EMCN: variants seen among roughly 807,000 people sequenced by gnomAD.
EMCN encodes the protein endomucin, also known as MUC-14.
Under a neutral mutation model 38.4 loss-of-function variants are expected in EMCN, and 37 were observed. The ratio of observed to expected loss-of-function variants is 0.96; its 90% CI spans 0.74 to 1.27. The LOEUF (loss-of-function observed/expected upper bound fraction) is 1.27. Ranked by LOEUF, EMCN falls within the 50% of genes most tolerant of loss-of-function variation. EMCN has a pLI of 0.00. For synonymous variants in EMCN, 95 were observed against 100.8 expected (o/e 0.94, Z 0.35); for missense variants, 318 against 302.8 (o/e 1.05, Z -0.37).
intron 4 of EMCN, among the ~76,000 whole-genome samples, chr4:100,461,718 G>A (rs960208155): frequency 2.6e-5 from 4 of 152,110 alleles, no homozygotes; most frequent in Admixed American, 2.6e-4. Flanking sequence ...CAACTTTCTA[G>A]GGAATAAAGC....
At chr4:100,434,155 T>C (rs116333051) in intron 5 of EMCN, among the ~76,000 whole-genome samples, 430 of 151,906 alleles carry the variant, frequency 2.8e-3, no homozygotes, top group African/African-American at 0.01. Context: ...GAAAGAAGTA[T>C]CAAATAGACA....
intron 5 of EMCN, among the ~76,000 whole-genome samples, chr4:100,435,641 C>T (rs1727330657): frequency 6.6e-6 from 1 of 152,166 alleles, no homozygotes; most frequent in Non-Finnish European, 1.5e-5. Context: ...TACAAGGCTA[C>T]AGTAACCAAA....
At position 100,517,998 on chromosome 4, in the gene EMCN, CA is replaced by C; in HGVS notation, c.-85del. The C allele has an allele frequency of 7.4e-7, 1 of 1,352,400 alleles. No individual in the cohort carries two copies. The highest frequency in any genetic ancestry group is 2.3e-5 in the East Asian group (1 of 43,460). 83.8% of individuals were successfully genotyped at this position (1,352,400 alleles called of 1,614,324 possible). ...TCCCAGCCTGGCAGGGCCTTATTAG[CA>C]AATGGAAAAGGTGTAGTGAATGTGA... On this transcript the variant is annotated 5_prime_UTR_variant, in exon 1 of 12. Coordinates refer to ENST00000296420, the MANE Select transcript of EMCN (RefSeq NM_016242.4).
intron 4 of EMCN, among the ~76,000 whole-genome samples, chr4:100,458,176 A>G (rs1200201832): frequency 6.6e-6 from 1 of 151,860 alleles, no homozygotes; most frequent in Admixed American, 6.6e-5. Context: ...GATTGGTGTT[A>G]ATTCTTCTTT....
intron 4 of EMCN, among the ~76,000 whole-genome samples, chr4:100,463,104 T>C (rs1222673005): frequency 6.6e-6 from 1 of 152,156 alleles, no homozygotes; most frequent in Non-Finnish European, 1.5e-5. Context: ...AAATTACTTA[T>C]ATCATGGAGT....
chr4:100,415,382 T>C (rs565778023), intron 10 of EMCN, among the ~76,000 whole-genome samples: 2 of 152,294 alleles, frequency 1.3e-5, no homozygotes, highest in Non-Finnish European at 2.9e-5. Context: ...ACTTTTACAA[T>C]TCCAATCAAA....
At chr4:100,495,899 T>C (rs1354142873) in intron 1 of EMCN, among the ~76,000 whole-genome samples, 2 of 152,136 alleles carry the variant, frequency 1.3e-5, no homozygotes, top group African/African-American at 4.8e-5. Flanking sequence ...ATTAGGATTA[T>C]TCTATCATTT....
chr4:100,423,844 T>C (rs1018028079), intron 5 of EMCN, among the ~76,000 whole-genome samples: 2 of 152,094 alleles, frequency 1.3e-5, no homozygotes, highest in African/African-American at 2.4e-5. Context: ...TTATCAGTGA[T>C]TGAAGAGAAA....
intron 1 of EMCN, among the ~76,000 whole-genome samples, chr4:100,501,317 T>C (rs1487628662): frequency 6.6e-6 from 1 of 152,166 alleles, no homozygotes; most frequent in Non-Finnish European, 1.5e-5. Flanking sequence ...CATTACTCAC[T>C]GCTCCGTTAT....
intron 4 of EMCN, among the ~76,000 whole-genome samples, chr4:100,462,821 ACTCCT>A (rs1461549377): frequency 6.6e-6 from 1 of 151,966 alleles, no homozygotes; most frequent in Non-Finnish European, 1.5e-5. Flanking sequence ...GTGAAATTAG[ACTCCT>A]TCTAGGCAAA....
At chr4:100,486,790 G>A (rs1462143600) in intron 1 of EMCN, 1 of 897,300 alleles carries the variant, frequency 1.1e-6, no homozygotes, top group Non-Finnish European at 1.3e-6. Flanking sequence ...TCTGCAAAAT[G>A]GACCCAAGAA....
chr4:100,426,435 C>T (rs1048903226), intron 5 of EMCN, among the ~76,000 whole-genome samples: 1 of 152,116 alleles, frequency 6.6e-6, no homozygotes, highest in African/African-American at 2.4e-5. Context: ...TGCTCAGCAT[C>T]CCCGTTCTCT....
At chr4:100,443,915 A>G (rs1038619755) in intron 5 of EMCN, among the ~76,000 whole-genome samples, 1 of 152,242 alleles carries the variant, frequency 6.6e-6, no homozygotes. Context: ...ATTTGGGACC[A>G]GGAGTCAACA....
intron 5 of EMCN, among the ~76,000 whole-genome samples, chr4:100,439,256 T>C (rs760652517): frequency 2.6e-5 from 4 of 152,072 alleles, no homozygotes; most frequent in Non-Finnish European, 5.9e-5. Context: ...CTTTTCTTTG[T>C]TGGGAAGTTT....
intron 11 of EMCN, among the ~76,000 whole-genome samples, chr4:100,400,733 ACTGTTTCAATTAT>A (rs954549395): frequency 5.9e-5 from 9 of 152,194 alleles, no homozygotes; most frequent in African/African-American, 1.9e-4. Context: ...CATGATTGAT[ACTGTTTCAATTAT>A]TTTCTCAAAG....
intron 3 of EMCN, among the ~76,000 whole-genome samples, chr4:100,471,089 C>T (rs1250428937): frequency 2.6e-5 from 4 of 151,622 alleles, no homozygotes; most frequent in African/African-American, 9.7e-5. Flanking sequence ...GGGAAAGAAA[C>T]ACTAAGGATT....
chr4:100,440,156 C>A (rs1727470295), intron 5 of EMCN, among the ~76,000 whole-genome samples: 1 of 152,070 alleles, frequency 6.6e-6, no homozygotes, highest in Non-Finnish European at 1.5e-5. Flanking sequence ...GTGAAAAGTG[C>A]AATTCAAGTC....
intron 5 of EMCN, among the ~76,000 whole-genome samples, chr4:100,438,457 G>A (rs775220279): frequency 2.0e-5 from 3 of 151,788 alleles, no homozygotes; most frequent in African/African-American, 4.8e-5. Flanking sequence ...TTCCTTTTGC[G>A]ACTTTACTGA....
At chr4:100,480,077 T>G (rs765020369) in intron 1 of EMCN, 38 bp from the exon 2 acceptor site, 3 of 1,581,688 alleles carry the variant, frequency 1.9e-6, no homozygotes, top group Admixed American at 3.6e-5. Context: ...CATTTACATA[T>G]AGTTTGCCAA....
Sources: allele counts gnomAD v4.1 joint callset (sites outside exome capture counted in the v4.1 genomes callset), GRCh38; gene constraint gnomAD v4.1.1; transcripts MANE v1.5; gene names NCBI Gene and HGNC (gene_info 2026-07-23, HGNC 2026-07-21).